KIF1B: variants seen among roughly 807,000 people sequenced by gnomAD.
KIF1B encodes the protein kinesin family member 1B.
KIF1B carries 76 observed loss-of-function variants against 241.9 expected under a neutral mutation model. That is an observed-to-expected ratio of 0.31 (90% CI 0.26 to 0.38). The LOEUF (loss-of-function observed/expected upper bound fraction) is 0.38. Among genes scored for constraint, KIF1B ranks in the 10% least tolerant of loss-of-function variants. The pLI is 1.00. For synonymous variants in KIF1B, 750 were observed against 796.7 expected (o/e 0.94, Z 0.99); for missense variants, 1,622 against 2,271.4 (o/e 0.71, Z 5.81).
chr1:10,363,248 A>C (rs754092690), intron 40 of KIF1B, 35 bp from the exon 41 acceptor site: 2 of 1,544,384 alleles, frequency 1.3e-6, no homozygotes, highest in African/African-American at 2.7e-5. Flanking sequence ...TTGTGCTTTA[A>C]GAGATTAAAC....
intron 1 of KIF1B, among the ~76,000 whole-genome samples, chr1:10,221,167 G>C (rs1646840630): frequency 8.1e-6 from 1 of 122,794 alleles, no homozygotes; most frequent in Non-Finnish European, 1.6e-5. Flanking sequence ...GTGCGATCTT[G>C]GCTCACTGCA....
At chr1:10,257,166 G>A (rs1647838091) in intron 3 of KIF1B, among the ~76,000 whole-genome samples, 1 of 151,058 alleles carries the variant, frequency 6.6e-6, no homozygotes, top group Admixed American at 6.6e-5. Context: ...CTGACCTCCT[G>A]ATCCACCTGC....
In KIF1B at chr1:10,304,312, C is replaced by A. The variant is rs773006820; in HGVS notation, c.2115+7066C>A. 1.2e-5 allele frequency: 19 copies of A among 1,614,232 alleles called. No individual in the cohort carries two copies. The South Asian group carries it at 2.0e-4, about 17-fold the overall frequency. ...CAAGCAGCACATTAATAATCAGCAA[C>A]AGCCACCTCAACTACGTTGGAGAAG... On this transcript the variant is annotated intron_variant, in intron 22 of 48. Coordinates refer to ENST00000676179, the MANE Select transcript of KIF1B (RefSeq NM_001365951.3).
chr1:10,222,113 T>C (rs894461786), intron 1 of KIF1B, among the ~76,000 whole-genome samples: 5 of 152,082 alleles, frequency 3.3e-5, no homozygotes, highest in Admixed American at 1.3e-4. Context: ...AATGGGAAAG[T>C]GAGGAATCAG....
intron 22 of KIF1B, among the ~76,000 whole-genome samples, chr1:10,311,863 A>G (rs1431056455): frequency 1.3e-5 from 2 of 151,524 alleles, no homozygotes; most frequent in Non-Finnish European, 2.9e-5. Context: ...TATATTGAGC[A>G]TGTATTACAT....
rs1650621359 is a variant in KIF1B at position 10,303,068 on chromosome 1, G to C, written c.2115+5822G>C. The stretch of plus-strand genomic sequence containing the variant: ...GGTCTTATTTTTAAATTTGGTTAAG[G>C]CTTTTTTGCTTGCTTTTTCTTCGAT... On this transcript the variant is annotated intron_variant, in intron 22 of 48. Coordinates refer to ENST00000676179, the MANE Select transcript of KIF1B (RefSeq NM_001365951.3). This position sits in a 1 kb window ranked among gnomAD's most constrained non-coding sequence, Gnocchi z 5.2. 7.0e-7 allele frequency: 1 copy of C among 1,437,836 alleles called. No homozygotes were observed. Among genetic ancestry groups the C allele is most frequent in the Non-Finnish European group, 9.4e-7 (1 of 1,068,382 alleles). The allele number at this position is 1,437,836 out of a possible 1,614,324, so 89.1% of individuals were successfully genotyped here.
At chr1:10,271,728 A>C (rs1648810435) in intron 8 of KIF1B, 149 bp downstream of exon 8, 1 of 706,892 alleles carries the variant, frequency 1.4e-6, no homozygotes, top group Non-Finnish European at 2.5e-6. Flanking sequence ...TGTGACAGAG[A>C]CCGTATGGCC....
At chr1:10,239,305 T>G (rs1202715986) in intron 2 of KIF1B, among the ~76,000 whole-genome samples, 1 of 152,242 alleles carries the variant, frequency 6.6e-6, no homozygotes, top group East Asian at 1.9e-4. Flanking sequence ...TCTAATCTTT[T>G]CCTTGCATTT....
chr1:10,249,787 C>T (rs1647338583), intron 2 of KIF1B, among the ~76,000 whole-genome samples: 1 of 152,094 alleles, frequency 6.6e-6, no homozygotes, highest in Non-Finnish European at 1.5e-5. Flanking sequence ...CCTGTGGTCC[C>T]AGTCACTCAG....
At chr1:10,277,079 C>CA (rs1321482091) in intron 12 of KIF1B, among the ~76,000 whole-genome samples, 2,053 of 94,628 alleles carry the variant, frequency 0.022, 36 homozygotes, top group African/African-American at 0.061. Flanking sequence ...GACTCCATCT[C>CA]AAAAAAAAAA....
intron 44 of KIF1B, among the ~76,000 whole-genome samples, chr1:10,369,432 C>T (rs2102355490): frequency 6.6e-6 from 1 of 152,158 alleles, no homozygotes; most frequent in South Asian, 2.1e-4. Context: ...AGGTTGAGAC[C>T]AGCCTGGGCA....
chr1:10,219,103 C>A (rs1351662042), intron 1 of KIF1B, among the ~76,000 whole-genome samples: 1 of 152,126 alleles, frequency 6.6e-6, no homozygotes, highest in African/African-American at 2.4e-5. Flanking sequence ...TCGAGAGAAA[C>A]CTTTTTTCCT....
intron 27 of KIF1B, among the ~76,000 whole-genome samples, chr1:10,327,517 AAATG>A (rs1276509675): frequency 1.1e-4 from 17 of 152,036 alleles, no homozygotes; most frequent in African/African-American, 2.7e-4. Context: ...AAAAAAAAAA[AAATG>A]AATATTTGTT....
At chr1:10,369,184 T>G (rs1192112621) in intron 44 of KIF1B, among the ~76,000 whole-genome samples, 1 of 152,236 alleles carries the variant, frequency 6.6e-6, no homozygotes, top group Non-Finnish European at 1.5e-5. Context: ...CTGCTTTATT[T>G]TTTGCTATAG....
rs1423508624 is a variant in KIF1B, at chr1:10,361,709, G to C, written c.4188G>C (p.Gln1396His). Reference protein sequence around the residue: ...SAYLELDHCIQPAVITKDVCM... With the variant: ...SAYLELDHCIHPAVITKDVCM... ...GCTTTCAGCTGGATCATTGCATCCA[G>C]CCGGCTGTCATCACCAAGGATGTGT... is the stretch of plus-strand genomic sequence containing the variant. Residue 1396 changes from glutamine (Q) to histidine (H), a missense_variant, in exon 40 of 49, where the codon CAG becomes CAC. Coordinates refer to ENST00000676179, the MANE Select transcript of KIF1B (RefSeq NM_001365951.3). 1 of 1,613,820 alleles carries C rather than the reference G, an allele frequency of 6.2e-7. No individual in the cohort carries two copies. Among genetic ancestry groups the C allele is most frequent in the South Asian group, 1.1e-5 (1 of 91,086 alleles).
intron 2 of KIF1B, among the ~76,000 whole-genome samples, chr1:10,253,256 G>T (rs1332391507): frequency 2.6e-5 from 4 of 152,186 alleles, no homozygotes; most frequent in African/African-American, 7.2e-5. Flanking sequence ...CTGGAGCCAT[G>T]AATAACTTAT....
intron 15 of KIF1B, among the ~76,000 whole-genome samples, chr1:10,289,067 GC>G (rs1288678354): frequency 1.3e-5 from 2 of 152,100 alleles, no homozygotes; most frequent in East Asian, 3.9e-4. Context: ...ATCACTACTA[GC>G]ATCATTACTA....
intron 45 of KIF1B, 62 bp downstream of exon 45, chr1:10,371,324 C>T: frequency 1.9e-6 from 3 of 1,589,636 alleles, no homozygotes; most frequent in African/African-American, 1.3e-5. Flanking sequence ...GTCAACCTTC[C>T]TCTAGCTCAA....
At chr1:10,267,040 CAG>C (rs1452785523) in intron 5 of KIF1B, among the ~76,000 whole-genome samples, 3 of 150,990 alleles carry the variant, frequency 2.0e-5, no homozygotes, top group African/African-American at 7.3e-5. Context: ...TTTATTAAGA[CAG>C]AGCCTCACTC....
Sources: gnomAD v4.1 joint callset for allele counts (sites outside exome capture counted in the v4.1 genomes callset) on GRCh38, gnomAD v4.1.1 for gene constraint, Gnocchi (gnomAD v3.1) non-coding constraint, MANE v1.5 for transcripts, NCBI Gene and HGNC (gene_info 2026-07-23, HGNC 2026-07-21) for gene names.